SHROOM3: variants seen among roughly 807,000 people sequenced by gnomAD.
SHROOM3 encodes the protein protein Shroom3.
SHROOM3 carries 47 observed loss-of-function variants against 138.6 expected under a neutral mutation model. That is an observed-to-expected ratio of 0.34 (90% CI 0.27 to 0.43). SHROOM3 has a LOEUF of 0.43. Ranked by LOEUF, SHROOM3 falls within the 20% of genes least tolerant of loss-of-function variation. The probability of loss-of-function intolerance (pLI) is 1.00; values close to 1 mark genes in which losing one functional copy is unlikely to be tolerated. For synonymous variants in SHROOM3, 1,062 were observed against 1,063.3 expected (o/e 1.00, Z 0.02); for missense variants, 2,491 against 2,596.5 (o/e 0.96, Z 0.88).
chr4:76,713,117 T>G (rs887230991), intron 3 of SHROOM3, among the ~76,000 whole-genome samples: 1 of 152,272 alleles, frequency 6.6e-6, no homozygotes, highest in Non-Finnish European at 1.5e-5. Flanking sequence ...AGGCCGGTAC[T>G]GTGCACTGCT....
intron 2 of SHROOM3, among the ~76,000 whole-genome samples, chr4:76,579,250 C>G (rs533103269): frequency 2.6e-5 from 4 of 151,780 alleles, no homozygotes; most frequent in Non-Finnish European, 5.9e-5. Context: ...GGGCAGATCA[C>G]GAGGTCAAGA....
At chr4:76,738,655 C>T (rs1461437464) in intron 4 of SHROOM3, 106 bp from the exon 5 acceptor site, 4 of 1,398,786 alleles carry the variant, frequency 2.9e-6, no homozygotes, top group East Asian at 4.6e-5. Context: ...CCCTTCCAAA[C>T]ACCAAACCTC....
At chr4:76,508,006 A>G (rs1455648404) in intron 1 of SHROOM3, among the ~76,000 whole-genome samples, 1 of 152,162 alleles carries the variant, frequency 6.6e-6, no homozygotes, top group African/African-American at 2.4e-5. Context: ...TTCTCCCATT[A>G]TCAGGGTTGT....
rs1722729385 is a variant in SHROOM3, at chr4:76,781,255, G to A, written c.*2078G>A. 1 of 152,098 alleles carries A rather than the reference G, an allele frequency of 6.6e-6. No homozygotes were observed. The highest frequency in any genetic ancestry group is 2.4e-5 in the African/African-American group (1 of 41,360). 9.4% of individuals were successfully genotyped at this position (152,098 alleles called of 1,614,324 possible). A position where few individuals can be genotyped will look rare whatever the true frequency, so the allele number is the denominator to read the frequency against. On this transcript the variant is annotated 3_prime_UTR_variant, in exon 11 of 11. Coordinates refer to ENST00000296043, the MANE Select transcript of SHROOM3 (RefSeq NM_020859.4). The stretch of plus-strand genomic sequence containing the variant: ...CCATCCTCCCATCTCAGCCTCCCAA[G>A]TAGCTGGGACCACAGGTGTGCACCA...
chr4:76,685,803 A>C (rs1719319069), intron 2 of SHROOM3, among the ~76,000 whole-genome samples: 1 of 152,146 alleles, frequency 6.6e-6, no homozygotes, highest in East Asian at 1.9e-4. Context: ...ACATGGTGAA[A>C]CCCATCTCTA....
chr4:76,505,802 C>T (rs1466398580), intron 1 of SHROOM3, among the ~76,000 whole-genome samples: 4 of 151,786 alleles, frequency 2.6e-5, no homozygotes, highest in Admixed American at 1.3e-4. Context: ...ACTACAGGCT[C>T]ATGCTACTAT....
intron 1 of SHROOM3, among the ~76,000 whole-genome samples, chr4:76,459,134 T>C (rs1386332624): frequency 6.6e-6 from 1 of 152,218 alleles, no homozygotes; most frequent in Non-Finnish European, 1.5e-5. Flanking sequence ...TGTTTTTTCC[T>C]ACATTTGATT....
In SHROOM3 at chr4:76,527,994, C is replaced by T. The variant is rs1054741978; in HGVS notation, c.169-27615C>T. 3.9e-5 allele frequency among the ~76,000 whole-genome samples: 6 copies of T among 152,276 alleles called. No homozygotes were observed. The South Asian group carries it at 8.3e-4, about 21-fold the overall frequency. On this transcript the variant is annotated intron_variant, in intron 1 of 10. Coordinates refer to ENST00000296043, the MANE Select transcript of SHROOM3 (RefSeq NM_020859.4). ...GATATTGGGGCAACAACTGCAATGCCTACTACTACATCTTCTTAAAAAGTT... is the reference window on the plus strand; with the variant it reads ...GATATTGGGGCAACAACTGCAATGCTTACTACTACATCTTCTTAAAAAGTT...
At chr4:76,574,749 A>G (rs996549902) in intron 2 of SHROOM3, among the ~76,000 whole-genome samples, 3 of 152,196 alleles carry the variant, frequency 2.0e-5, no homozygotes, top group Non-Finnish European at 2.9e-5. Flanking sequence ...AAATGATTCC[A>G]CTTGTATAAG....
chr4:76,516,390 C>G (rs1356996716), intron 1 of SHROOM3, among the ~76,000 whole-genome samples: 1 of 152,108 alleles, frequency 6.6e-6, no homozygotes, highest in African/African-American at 2.4e-5. Flanking sequence ...TATTAGTTCT[C>G]TGTGTTGAGA....
At chr4:76,454,538 G>A (rs927778095) in intron 1 of SHROOM3, among the ~76,000 whole-genome samples, 27 of 152,132 alleles carry the variant, frequency 1.8e-4, no homozygotes, top group African/African-American at 5.3e-4. Context: ...TCTGTATGCC[G>A]TTATAACACT....
intron 2 of SHROOM3, among the ~76,000 whole-genome samples, chr4:76,697,087 A>AT (rs1163545473): frequency 0.011 from 1,510 of 135,770 alleles, 14 homozygotes; most frequent in African/African-American, 0.022. Context: ...CAGCTAATTA[A>AT]TTTTTTTTTT....
chr4:76,564,067 A>G (rs1009601844), intron 2 of SHROOM3, among the ~76,000 whole-genome samples: 9 of 152,022 alleles, frequency 5.9e-5, no homozygotes, highest in African/African-American at 1.9e-4. Flanking sequence ...TCACCTCCAC[A>G]TGTCTCCTGA....
At chr4:76,546,454 C>A (rs1733221838) in intron 1 of SHROOM3, among the ~76,000 whole-genome samples, 1 of 152,198 alleles carries the variant, frequency 6.6e-6, no homozygotes. Flanking sequence ...GGTGCCAAAA[C>A]AATGCTGAGT....
chr4:76,724,079 G>C (rs542854069), intron 3 of SHROOM3, among the ~76,000 whole-genome samples: 1 of 152,320 alleles, frequency 6.6e-6, no homozygotes, highest in South Asian at 2.1e-4. Context: ...GAATCTCTCT[G>C]TGTTAGGGCA....
chr4:76,572,432 A>G (rs1336122659), intron 2 of SHROOM3, among the ~76,000 whole-genome samples: 1 of 152,164 alleles, frequency 6.6e-6, no homozygotes, highest in Middle Eastern at 3.2e-3. Context: ...GGGCATCCTG[A>G]GGTCTCCCTG....
chr4:76,652,587 CT>C (rs1735983241), intron 2 of SHROOM3, among the ~76,000 whole-genome samples: 1 of 152,174 alleles, frequency 6.6e-6, no homozygotes, highest in South Asian at 2.1e-4. Flanking sequence ...AGGCTCCTGC[CT>C]TAACTGTGCT....
intron 1 of SHROOM3, among the ~76,000 whole-genome samples, chr4:76,505,774 C>A (rs1732196888): frequency 6.6e-6 from 1 of 151,614 alleles, no homozygotes; most frequent in South Asian, 2.1e-4. Flanking sequence ...AATCCTCCCA[C>A]CTCAGCCTTC....
intron 2 of SHROOM3, among the ~76,000 whole-genome samples, chr4:76,652,507 T>C (rs1735981969): frequency 1.3e-5 from 2 of 152,146 alleles, no homozygotes; most frequent in African/African-American, 4.8e-5. Flanking sequence ...TAAACATGTA[T>C]TATAGGTTAC....
Sources: allele counts gnomAD v4.1 joint callset (sites outside exome capture counted in the v4.1 genomes callset), GRCh38; gene constraint gnomAD v4.1.1; transcripts MANE v1.5; gene names NCBI Gene and HGNC (gene_info 2026-07-23, HGNC 2026-07-21).